The following FRMD4A variants were observed in gnomAD, a reference collection of about 807,000 sequenced individuals.
FRMD4A encodes the protein FERM domain-containing protein 4A.
A neutral mutation model predicts 129.1 loss-of-function variants in FRMD4A; 29 were observed. That is an observed-to-expected ratio of 0.22 (90% CI 0.17 to 0.31). The LOEUF (loss-of-function observed/expected upper bound fraction) is 0.31, where lower values mean the gene tolerates loss of function less well. FRMD4A is among the 10% of genes least tolerant of loss of function. FRMD4A has a pLI of 1.00. For missense variants in FRMD4A, 1,272 were observed against 1,375.8 expected (o/e 0.92, Z 1.19); for synonymous variants, 634 against 571.6 (o/e 1.11, Z -1.56).
intron 21 of FRMD4A, among the ~76,000 whole-genome samples, chr10:13,658,616 C>T (rs1462203616): frequency 9.9e-5 from 15 of 152,154 alleles, no homozygotes. Context: ...AGCGGTGGCT[C>T]ACGTCTCTAA....
chr10:13,812,116 C>T (rs1015721846), intron 3 of FRMD4A, among the ~76,000 whole-genome samples: 3 of 152,108 alleles, frequency 2.0e-5, no homozygotes, highest in Non-Finnish European at 2.9e-5. Context: ...CTCTTGACCT[C>T]GTGATCTGCC....
chr10:14,204,961 T>C (rs1360142377), intron 2 of FRMD4A, among the ~76,000 whole-genome samples: 1 of 152,212 alleles, frequency 6.6e-6, no homozygotes, highest in East Asian at 1.9e-4. Context: ...CAGACACAAG[T>C]TGCATTTCAA....
intron 14 of FRMD4A, among the ~76,000 whole-genome samples, chr10:13,699,577 G>T (rs1310496332): frequency 6.6e-6 from 1 of 152,200 alleles, no homozygotes; most frequent in Non-Finnish European, 1.5e-5. Context: ...AGCCAATGCT[G>T]TGCTATCCTC....
rs755993250 is a variant in FRMD4A at position 13,656,869 on chromosome 10, G to C, written c.2720C>G (p.Pro907Arg). The change falls in exon 22 of 25, where the codon CCG becomes CGG. Residue 907 changes from proline to arginine, a missense_variant. Pro to Arg is a moderately radical substitution (Grantham distance 103). Transcript: ENST00000357447. ...TPSRSQILRTPSLGREGAHDK... is the reference protein window; with the variant it reads ...TPSRSQILRTRSLGREGAHDK... The stretch of plus-strand genomic sequence containing the variant: ...GTGGGCGCCCTCGCGGCCCAGCGAC[G>C]GAGTCCGCAGGATCTGCGATCGCGA... The C allele has an allele frequency of 6.7e-7, 1 of 1,482,586 alleles. No homozygotes were observed. The highest frequency in any genetic ancestry group is 8.9e-7 in the Non-Finnish European group (1 of 1,120,966). 91.8% of individuals were successfully genotyped at this position (1,482,586 alleles called of 1,614,324 possible).
rs763391755 is a variant in FRMD4A at position 13,707,040 on chromosome 10, C to A, written c.833G>T (p.Arg278Leu). 4 of 1,546,604 alleles carry A rather than the reference C, an allele frequency of 2.6e-6. No individual in the cohort carries two copies. Among genetic ancestry groups the A allele is most frequent in the Non-Finnish European group, 3.6e-6 (4 of 1,118,438 alleles). The change falls in exon 13 of 25, where the codon CGC becomes CTC. Residue 278 changes from arginine (R) to leucine (L), a missense_variant. Physicochemically the swap from Arg to Leu is moderately radical, Grantham distance 102. Transcript: ENST00000357447. ...KKFSVEVHDP[R>L]RASVTRRTFG... ...GAAAAGGACTTTTCAAGCTTACCTG[C>A]GTGGGTCATGAACTTCCACGGAAAA...
chr10:13,923,435 AG>A (rs1170277336), intron 2 of FRMD4A, among the ~76,000 whole-genome samples: 4 of 152,220 alleles, frequency 2.6e-5, no homozygotes, highest in African/African-American at 7.2e-5. Flanking sequence ...CTCTGTGGGC[AG>A]GTCCCTTATC....
intron 2 of FRMD4A, among the ~76,000 whole-genome samples, chr10:14,295,480 G>T (rs11259000): frequency 0.013 from 1,906 of 152,284 alleles, 21 homozygotes; most frequent in East Asian, 0.039. Flanking sequence ...TTCCATTTCA[G>T]CTTCTGCTGC....
At chr10:13,915,887 T>TCTGG in intron 2 of FRMD4A, among the ~76,000 whole-genome samples, 1 of 152,250 alleles carries the variant, frequency 6.6e-6, no homozygotes, top group African/African-American at 2.4e-5. Context: ...TGAGGTCCCT[T>TCTGG]CTGGCTCTTG....
chr10:13,701,812 C>T (rs1037458345), intron 13 of FRMD4A, among the ~76,000 whole-genome samples: 2 of 152,170 alleles, frequency 1.3e-5, no homozygotes, highest in Non-Finnish European at 2.9e-5. Context: ...AGACAAACTT[C>T]GCAGACAGGA....
intron 3 of FRMD4A, among the ~76,000 whole-genome samples, chr10:13,815,553 T>G (rs2093528489): frequency 6.6e-6 from 1 of 152,268 alleles, no homozygotes; most frequent in South Asian, 2.1e-4. Flanking sequence ...GTGTTTGATG[T>G]TACATGTATT....
At chr10:13,722,227 C>CTG in intron 12 of FRMD4A, among the ~76,000 whole-genome samples, 1 of 126,792 alleles carries the variant, frequency 7.9e-6, no homozygotes, top group Admixed American at 8.2e-5. Context: ...GGCCAGGGCT[C>CTG]TTTTTTTTTT....
intron 2 of FRMD4A, among the ~76,000 whole-genome samples, chr10:13,977,705 C>T (rs754285796): frequency 6.6e-6 from 1 of 152,174 alleles, no homozygotes; most frequent in Non-Finnish European, 1.5e-5. Flanking sequence ...CTTTAGTCTC[C>T]TTTCTGTCTC....
chr10:13,990,513 T>C (rs1389943052), intron 2 of FRMD4A, among the ~76,000 whole-genome samples: 4 of 152,156 alleles, frequency 2.6e-5, no homozygotes, highest in South Asian at 2.1e-4. Context: ...GAGGAAAATA[T>C]GTAACTTGAT....
intron 2 of FRMD4A, among the ~76,000 whole-genome samples, chr10:13,873,301 G>C (rs974023275): frequency 1.4e-5 from 2 of 147,808 alleles, no homozygotes; most frequent in African/African-American, 5.0e-5. Context: ...TGACTCTCTG[G>C]ATCTAAAAAA....
intron 2 of FRMD4A, among the ~76,000 whole-genome samples, chr10:14,031,114 C>T (rs560612292): frequency 4.6e-4 from 70 of 152,266 alleles, no homozygotes; most frequent in Non-Finnish European, 8.2e-4. Context: ...TGCAGGGATT[C>T]CGAGGTCGCC....
At chr10:13,704,920 A>C (rs2087260358) in intron 13 of FRMD4A, among the ~76,000 whole-genome samples, 2 of 151,840 alleles carry the variant, frequency 1.3e-5, no homozygotes, top group Non-Finnish European at 2.9e-5. Flanking sequence ...AAAAAAAAAA[A>C]AGCTGGGTAC....
Position 13,657,003 on chromosome 10 carries a change from G to A in FRMD4A, c.2586C>T (p.Ser862=), listed in dbSNP as rs538208033. ...SLESDQEGHY[S]VKAQFKTSNS... ...TGGACGTCTTGAACTGAGCCTTGAC[G>A]CTGTAGTGGCCCTCCTGGTCGCTCT... The change falls in exon 22 of 25, where the codon AGC becomes AGT. Residue 862 remains serine, a synonymous_variant. Transcript: ENST00000357447. 1.9e-5 allele frequency: 29 copies of A among 1,566,694 alleles called. No individual in the cohort carries two copies. The highest frequency in any genetic ancestry group is 5.5e-5 in the African/African-American group (4 of 72,216).
intron 2 of FRMD4A, among the ~76,000 whole-genome samples, chr10:14,208,946 G>C (rs1842861363): frequency 6.6e-6 from 1 of 152,272 alleles, no homozygotes; most frequent in Non-Finnish European, 1.5e-5. Flanking sequence ...GGAACCTCTT[G>C]ACACTCTGGA....
intron 6 of FRMD4A, among the ~76,000 whole-genome samples, chr10:13,767,803 G>A (rs991298687): frequency 6.6e-6 from 1 of 152,112 alleles, no homozygotes; most frequent in South Asian, 2.1e-4. Context: ...GAAGCCCCCC[G>A]TGCTCTTGCG....
Sources: gnomAD v4.1 joint callset for allele counts (sites outside exome capture counted in the v4.1 genomes callset) on GRCh38, gnomAD v4.1.1 for gene constraint, MANE v1.5 for transcripts, NCBI Gene and HGNC (gene_info 2026-07-23, HGNC 2026-07-21) for gene names.